Variants in GSG1L observed in about 807,000 individuals in gnomAD.
The protein encoded by GSG1L is germ cell-specific gene 1-like protein.
Under a neutral mutation model 42.1 loss-of-function variants are expected in GSG1L, and 24 were observed. The observed-to-expected ratio is 0.57, with a 90% CI of 0.41 to 0.80. GSG1L has a LOEUF of 0.80. Among genes scored for constraint, GSG1L ranks in the 30% least tolerant of loss-of-function variants. The pLI, the probability that GSG1L is intolerant of heterozygous loss-of-function variation, is 0.00. For synonymous variants in GSG1L, 215 were observed against 203.5 expected (o/e 1.06, Z -0.48); for missense variants, 445 against 472.2 (o/e 0.94, Z 0.53).
chr16:27,834,870 T>C (rs2083307068), intron 4 of GSG1L, among the ~76,000 whole-genome samples: 1 of 152,178 alleles, frequency 6.6e-6, no homozygotes, highest in Non-Finnish European at 1.5e-5. Flanking sequence ...AAGAACCAGC[T>C]TTTTTGTTTC....
intron 3 of GSG1L, among the ~76,000 whole-genome samples, chr16:27,865,572 TACAC>T (rs369021478): frequency 0.13 from 2,783 of 21,386 alleles, 294 homozygotes; most frequent in African/African-American, 0.34. Flanking sequence ...TATATATATA[TACAC>T]ACACACATAC....
intron 6 of GSG1L, among the ~76,000 whole-genome samples, chr16:27,792,106 C>T (rs999399738): frequency 1.3e-5 from 2 of 152,158 alleles, no homozygotes; most frequent in Non-Finnish European, 2.9e-5. Flanking sequence ...TCATCCACCA[C>T]CATCCTGTCA....
chr16:27,888,354 C>G (rs114808089), intron 2 of GSG1L, among the ~76,000 whole-genome samples: 6,797 of 145,072 alleles, frequency 0.047, 123 homozygotes, highest in African/African-American at 0.081. Flanking sequence ...GGCACGGGTA[C>G]CCCGATGCCT....
In GSG1L at chr16:27,787,977, AAGCCCCACCT is replaced by A. The variant is rs150280807; in HGVS notation, c.*3383_*3392del. ...CCAGGCCCATTTCCAGCCCCGCCTT[AAGCCCCACCT>A]AGTAGGTCATTAATATTTACTGAAT... On this transcript the variant is annotated 3_prime_UTR_variant, in exon 7 of 7. Transcript: ENST00000447459. 0.053 allele frequency: 8,070 copies of A among 152,326 alleles called. 279 individuals carry two copies. The highest frequency in any genetic ancestry group is 0.12 in the Middle Eastern group (34 of 294). 9.4% of individuals were successfully genotyped at this position (152,326 alleles called of 1,614,324 possible). A position where few individuals can be genotyped will look rare whatever the true frequency, so the allele number is the denominator to read the frequency against.
rs573418569 is a variant in GSG1L, at chr16:27,844,080, C to T, written c.662+870G>A. On this transcript the variant is annotated intron_variant, in intron 4 of 6. Transcript: ENST00000447459. ...ATGACCTCAGTGACTCTGGAACAAA[C>T]GTGTCCTGAAGTCCACACCATAGCT... is the stretch of plus-strand genomic sequence containing the variant. Among the ~76,000 whole-genome samples, 20 of 152,308 alleles carry T rather than the reference C, an allele frequency of 1.3e-4. No individual in the cohort carries two copies. The South Asian group carries it at 3.5e-3, about 27-fold the overall frequency.
chr16:27,902,067 T>C (rs1244225987), intron 2 of GSG1L, among the ~76,000 whole-genome samples: 1 of 152,204 alleles, frequency 6.6e-6, no homozygotes, highest in Non-Finnish European at 1.5e-5. Flanking sequence ...CCCTCTGCCC[T>C]CCTGGTTATT....
rs977157553 is a variant in GSG1L at position 27,807,569 on chromosome 16, A to AAAC, written c.831-18_831-16dup. ...TCTTCTCCATCCTGGAAAGAAAAAAAAACAAAAACAAAATCCTAGGTAGGA... is the reference window on the plus strand; with the variant it reads ...TCTTCTCCATCCTGGAAAGAAAAAAAAACAACAAAAACAAAATCCTAGGTAGGA... On this transcript the variant is annotated splice_polypyrimidine_tract_variant and intron_variant, in intron 5 of 6. Coordinates refer to ENST00000447459, the MANE Select transcript of GSG1L (RefSeq NM_001109763.2). The AAAC allele has an allele frequency of 6.2e-7, 1 of 1,605,992 alleles. No individual in the cohort carries two copies. Among genetic ancestry groups the AAAC allele is most frequent in the African/African-American group, 1.3e-5 (1 of 74,938 alleles).
intron 5 of GSG1L, among the ~76,000 whole-genome samples, chr16:27,814,688 G>GAAA (rs750992732): frequency 1.1e-5 from 1 of 94,330 alleles, no homozygotes; most frequent in Non-Finnish European, 2.1e-5. Flanking sequence ...CCGTCTCAAG[G>GAAA]AAAAAAAAAA....
chr16:27,989,554 A>G (rs945173712), intron 1 of GSG1L, among the ~76,000 whole-genome samples: 1 of 152,174 alleles, frequency 6.6e-6, no homozygotes, highest in African/African-American at 2.4e-5. Flanking sequence ...AGCCTGCCCA[A>G]CATGGTGAAA....
At chr16:28,028,454 T>C (rs1273730937) in intron 1 of GSG1L, among the ~76,000 whole-genome samples, 2 of 151,978 alleles carry the variant, frequency 1.3e-5, no homozygotes, top group Admixed American at 1.3e-4. Context: ...GTAAACTGTT[T>C]ACCACTGCCT....
chr16:27,790,818 T>C lies in GSG1L; in HGVS notation c.*552A>G, dbSNP rs2082742336. 6.6e-6 allele frequency: 1 copy of C among 152,550 alleles called. No individual in the cohort carries two copies. Among genetic ancestry groups the C allele is most frequent in the Non-Finnish European group, 1.5e-5 (1 of 68,280 alleles). 9.4% of individuals were successfully genotyped at this position (152,550 alleles called of 1,614,324 possible). A position where few individuals can be genotyped will look rare whatever the true frequency, so the allele number is the denominator to read the frequency against. ...TCTCTGCTGTCACCTTCAGCCTCCTTGAGGAGTAATGGGGTGGGGCAATGA... is the reference window on the plus strand; with the variant it reads ...TCTCTGCTGTCACCTTCAGCCTCCTCGAGGAGTAATGGGGTGGGGCAATGA... On this transcript the variant is annotated 3_prime_UTR_variant, in exon 7 of 7. Coordinates refer to ENST00000447459, the MANE Select transcript of GSG1L (RefSeq NM_001109763.2).
At chr16:27,989,467 C>G (rs955507917) in intron 1 of GSG1L, among the ~76,000 whole-genome samples, 2 of 152,012 alleles carry the variant, frequency 1.3e-5, no homozygotes, top group African/African-American at 2.4e-5. Context: ...GGACCAGGAG[C>G]GGTGGTTCAC....
At chr16:27,865,911 G>T (rs927580415) in intron 3 of GSG1L, among the ~76,000 whole-genome samples, 1 of 151,920 alleles carries the variant, frequency 6.6e-6, no homozygotes, top group East Asian at 1.9e-4. Flanking sequence ...ATGTTGCCCA[G>T]GCTGGTCTCA....
At chr16:27,861,096 G>A (rs557837445) in intron 3 of GSG1L, among the ~76,000 whole-genome samples, 6 of 152,304 alleles carry the variant, frequency 3.9e-5, no homozygotes, top group East Asian at 3.9e-4. Context: ...GGCCGGGTTC[G>A]GTGGTTCATG....
chr16:27,897,561 A>G (rs1181105667), intron 2 of GSG1L, among the ~76,000 whole-genome samples: 1 of 152,046 alleles, frequency 6.6e-6, no homozygotes, highest in Non-Finnish European at 1.5e-5. Flanking sequence ...TGACCTCCCA[A>G]AGTTTTGGGA....
intron 2 of GSG1L, among the ~76,000 whole-genome samples, chr16:27,901,331 G>A (rs1213583247): frequency 6.6e-6 from 1 of 152,150 alleles, no homozygotes; most frequent in African/African-American, 2.4e-5. Flanking sequence ...AGCCCCAGGT[G>A]CATCTAGCCC....
intron 3 of GSG1L, among the ~76,000 whole-genome samples, chr16:27,865,572 TAC>T (rs369021478): frequency 0.38 from 7,675 of 20,308 alleles, 1,035 homozygotes; most frequent in Middle Eastern, 0.53. Flanking sequence ...TATATATATA[TAC>T]ACACACACAT....
chr16:27,982,889 C>A (rs1015816095), intron 1 of GSG1L, among the ~76,000 whole-genome samples: 1 of 152,162 alleles, frequency 6.6e-6, no homozygotes, highest in African/African-American at 2.4e-5. Flanking sequence ...ACACCTCCTA[C>A]CAGTCCCCAC....
At chr16:28,045,080 A>G (rs901800143) in intron 1 of GSG1L, among the ~76,000 whole-genome samples, 7 of 151,986 alleles carry the variant, frequency 4.6e-5, no homozygotes, top group African/African-American at 1.7e-4. Flanking sequence ...ACAAAAAGGC[A>G]GAGCATCGGG....
Sources: allele counts gnomAD v4.1 joint callset (sites outside exome capture counted in the v4.1 genomes callset), GRCh38; gene constraint gnomAD v4.1.1; transcripts MANE v1.5; gene names NCBI Gene and HGNC (gene_info 2026-07-23, HGNC 2026-07-21).